The following SBF2 variants were observed in gnomAD, a reference collection of about 807,000 sequenced individuals.
SBF2 encodes myotubularin-related protein 13.
SBF2 carries 112 observed loss-of-function variants against 225.2 expected under a neutral mutation model. That is an observed-to-expected ratio of 0.50 (90% CI 0.43 to 0.58). The LOEUF (loss-of-function observed/expected upper bound fraction) is 0.58, where lower values mean the gene tolerates loss of function less well. Ranked by LOEUF, SBF2 falls within the 20% of genes least tolerant of loss-of-function variation. The pLI, the probability that SBF2 is intolerant of heterozygous loss-of-function variation, is 0.00. For missense variants in SBF2, 1,996 were observed against 2,206.2 expected, an observed-to-expected ratio of 0.90 and a Z score of 1.91; for synonymous variants, 763 against 773.3, an observed-to-expected ratio of 0.99 and a Z score of 0.22.
chr11:10,134,367 G>C (rs916136826), intron 2 of SBF2, among the ~76,000 whole-genome samples: 4 of 151,142 alleles, frequency 2.6e-5, no homozygotes, highest in Non-Finnish European at 4.4e-5. Context: ...TTCTGCCCTG[G>C]CCCCCCCCAA....
intron 38 of SBF2, 119 bp downstream of exon 38, chr11:9,784,232 G>T (rs1462742009): frequency 1.8e-5 from 14 of 780,324 alleles, no homozygotes; most frequent in Middle Eastern, 2.3e-4. Flanking sequence ...CTACATATGA[G>T]AGGCACTAAA....
intron 2 of SBF2, among the ~76,000 whole-genome samples, chr11:10,140,860 G>T (rs973024739): frequency 1.3e-5 from 2 of 152,136 alleles, no homozygotes; most frequent in Non-Finnish European, 2.9e-5. Context: ...GAAATTGGTT[G>T]ATGTGGGAAA....
At chr11:10,012,185 G>T (rs918618515) in intron 6 of SBF2, among the ~76,000 whole-genome samples, 4 of 152,128 alleles carry the variant, frequency 2.6e-5, no homozygotes, top group Non-Finnish European at 5.9e-5. Flanking sequence ...TTACTCTGTT[G>T]CTCAGGCTGT....
chr11:9,866,328 T>C (rs969390373), intron 17 of SBF2, among the ~76,000 whole-genome samples: 1 of 152,080 alleles, frequency 6.6e-6, no homozygotes, highest in Non-Finnish European at 1.5e-5. Flanking sequence ...CTTCAAAATA[T>C]ACTATAAGGC....
chr11:9,872,250 T>A (rs996541401), intron 17 of SBF2, among the ~76,000 whole-genome samples: 1 of 152,170 alleles, frequency 6.6e-6, no homozygotes, highest in African/African-American at 2.4e-5. Context: ...TTCTTACTTA[T>A]AGGCGGGAGC....
chr11:10,222,958 A>G (rs1702251369), intron 1 of SBF2, among the ~76,000 whole-genome samples: 1 of 152,082 alleles, frequency 6.6e-6, no homozygotes, highest in African/African-American at 2.4e-5. Flanking sequence ...TATCATTTTT[A>G]TTAATTTATG....
At chr11:10,134,956 C>A (rs532161339) in intron 2 of SBF2, among the ~76,000 whole-genome samples, 1 of 152,340 alleles carries the variant, frequency 6.6e-6, no homozygotes, top group East Asian at 1.9e-4. Flanking sequence ...TTCAACCCCA[C>A]GTTTCCCTTT....
chr11:10,248,404 A>G (rs114108958), intron 1 of SBF2, among the ~76,000 whole-genome samples: 404 of 152,364 alleles, frequency 2.7e-3, no homozygotes, highest in African/African-American at 8.7e-3. Context: ...AAATGCCACT[A>G]TGACTCTTAA....
chr11:9,934,422 T>C (rs771362825), intron 16 of SBF2, among the ~76,000 whole-genome samples: 8 of 152,050 alleles, frequency 5.3e-5, no homozygotes, highest in African/African-American at 1.4e-4. Flanking sequence ...TTCCAATCAA[T>C]AGAAAAAGAG....
Position 10,178,395 on chromosome 11 carries a change from A to G in SBF2, c.141+15507T>C, listed in dbSNP as rs1396387224. Among the ~76,000 whole-genome samples the G allele has an allele frequency of 4.3e-4, 61 of 143,506 alleles. 1 individual carries two copies. Among genetic ancestry groups the G allele is most frequent in the Middle Eastern group, 7.1e-3 (2 of 280 alleles). 94.1% of individuals were successfully genotyped at this position (143,506 alleles called of 152,430 possible). A position where few individuals can be genotyped will look rare whatever the true frequency, so the allele number is the denominator to read the frequency against. ...GCACAGCAAAAGAAACTACCATCAGAGTGAACAGGCAACCTACAAAATGGG... is the reference window on the plus strand; with the variant it reads ...GCACAGCAAAAGAAACTACCATCAGGGTGAACAGGCAACCTACAAAATGGG... On this transcript the variant is annotated intron_variant, in intron 2 of 39. Transcript: ENST00000256190.
chr11:10,040,058 T>A (rs564211587), intron 3 of SBF2, among the ~76,000 whole-genome samples: 1 of 152,120 alleles, frequency 6.6e-6, no homozygotes, highest in African/African-American at 2.4e-5. Flanking sequence ...AAAATAATCA[T>A]TTTTTGTTAT....
chr11:10,249,983 G>A (rs1363890382), intron 1 of SBF2, among the ~76,000 whole-genome samples: 1 of 151,926 alleles, frequency 6.6e-6, no homozygotes, highest in Non-Finnish European at 1.5e-5. Context: ...TCAAAATAAT[G>A]TTTAATCTTC....
chr11:9,877,296 T>C (rs1392422934), intron 17 of SBF2, among the ~76,000 whole-genome samples: 2 of 152,238 alleles, frequency 1.3e-5, no homozygotes, highest in Admixed American at 1.3e-4. Flanking sequence ...AGTAAGTTCC[T>C]GTGTTGTTCC....
chr11:10,268,499 T>C (rs139614614), intron 1 of SBF2, among the ~76,000 whole-genome samples: 1 of 152,268 alleles, frequency 6.6e-6, no homozygotes, highest in Non-Finnish European at 1.5e-5. Context: ...AAAGATGACA[T>C]TTATAGAATG....
chr11:9,962,654 A>G (rs2134365268), intron 15 of SBF2, among the ~76,000 whole-genome samples: 1 of 152,324 alleles, frequency 6.6e-6, no homozygotes, highest in East Asian at 1.9e-4. Flanking sequence ...AGATATCTCT[A>G]GGTGTATGCA....
chr11:9,845,795 T>C (rs1268090008), intron 23 of SBF2, 55 bp from the exon 24 acceptor site: 1 of 1,546,372 alleles, frequency 6.5e-7, no homozygotes, highest in Non-Finnish European at 8.9e-7. Context: ...CCTGGCAACT[T>C]TCCCCCAAAC....
intron 14 of SBF2, among the ~76,000 whole-genome samples, chr11:9,964,873 T>G (rs781352591): frequency 2.6e-5 from 4 of 151,088 alleles, no homozygotes; most frequent in Non-Finnish European, 4.4e-5. Context: ...GTATCAATAG[T>G]TTTTTTTTGC....
At chr11:9,795,195 A>G (rs1290669645) in intron 33 of SBF2, among the ~76,000 whole-genome samples, 1 of 152,246 alleles carries the variant, frequency 6.6e-6, no homozygotes, top group Non-Finnish European at 1.5e-5. Flanking sequence ...CTATTAAAAA[A>G]ATAGTTCATC....
chr11:10,071,265 CT>C (rs945479458), intron 2 of SBF2, among the ~76,000 whole-genome samples: 363 of 103,052 alleles, frequency 3.5e-3, no homozygotes, highest in South Asian at 9.1e-3. Flanking sequence ...CTCTCTCTCT[CT>C]TTTTTTTTTT....
Sources: gnomAD v4.1 joint callset for allele counts (sites outside exome capture counted in the v4.1 genomes callset) on GRCh38, gnomAD v4.1.1 for gene constraint, MANE v1.5 for transcripts, NCBI Gene and HGNC (gene_info 2026-07-23, HGNC 2026-07-21) for gene names.